The following CYRIA variants were observed in gnomAD, a reference collection of about 807,000 sequenced individuals.
CYRIA encodes the protein CYFIP related Rac1 interactor A, also known as CYFIP-related Rac1 interactor A.
Under a neutral mutation model 43.9 loss-of-function variants are expected in CYRIA, and 15 were observed. The observed-to-expected ratio is 0.34, with a 90% CI of 0.23 to 0.53. The LOEUF (loss-of-function observed/expected upper bound fraction) is 0.53. Among genes scored for constraint, CYRIA ranks in the 20% least tolerant of loss-of-function variants. The pLI is 0.94. For synonymous variants in CYRIA, 117 were observed against 136.0 expected, an observed-to-expected ratio of 0.86 and a Z score of 0.97; for missense variants, 236 against 394.2, an observed-to-expected ratio of 0.60 and a Z score of 3.40.
At chr2:16,590,927 C>T (rs1418855356) in intron 2 of CYRIA, among the ~76,000 whole-genome samples, 2 of 152,088 alleles carry the variant, frequency 1.3e-5, no homozygotes, top group African/African-American at 4.8e-5. Flanking sequence ...TTAGGGGGAT[C>T]TGCAAAGTGA....
chr2:16,600,961 A>C (rs1031018791), intron 2 of CYRIA, among the ~76,000 whole-genome samples: 4 of 152,222 alleles, frequency 2.6e-5, no homozygotes, highest in African/African-American at 9.6e-5. Context: ...TTTTCTGCAC[A>C]GTAGAAGTCC....
rs77273913 is a variant in CYRIA, at chr2:16,646,541, G to A, written c.-167+19239C>T. Among the ~76,000 whole-genome samples the A allele has an allele frequency of 3.3e-5, 5 of 152,290 alleles. No homozygotes were observed. The East Asian group carries it at 9.7e-4, about 29-fold the overall frequency. On this transcript the variant is annotated intron_variant, in intron 1 of 11. Transcript: ENST00000381323. The stretch of plus-strand genomic sequence containing the variant: ...CTCCCTGCAAGACCAGAGAAGCCAC[G>A]TGCAGTGTGGGAGCCTCCTTGTTGC...
chr2:16,645,246 G>A (rs1435525589), intron 1 of CYRIA, among the ~76,000 whole-genome samples: 2 of 152,190 alleles, frequency 1.3e-5, no homozygotes, highest in Non-Finnish European at 1.5e-5. Context: ...TTCTTGGCTT[G>A]CATATTTATT....
At chr2:16,604,752 G>C (rs1297370751) in intron 2 of CYRIA, among the ~76,000 whole-genome samples, 1 of 152,238 alleles carries the variant, frequency 6.6e-6, no homozygotes, top group Non-Finnish European at 1.5e-5. Flanking sequence ...AGCCAGGTTA[G>C]CCATTTTAGA....
intron 1 of CYRIA, among the ~76,000 whole-genome samples, chr2:16,625,223 C>A (rs1464910405): frequency 6.6e-6 from 1 of 152,128 alleles, no homozygotes; most frequent in African/African-American, 2.4e-5. Flanking sequence ...AGGCTCCCAG[C>A]TGGGGCTCCC....
chr2:16,652,419 T>C (rs1027282741), intron 1 of CYRIA, among the ~76,000 whole-genome samples: 1 of 152,222 alleles, frequency 6.6e-6, no homozygotes, highest in Admixed American at 6.5e-5. Flanking sequence ...CAAATGCTTT[T>C]CTTAGCCATC....
At chr2:16,577,363 T>C (rs1667389984) in intron 3 of CYRIA, among the ~76,000 whole-genome samples, 1 of 152,170 alleles carries the variant, frequency 6.6e-6, no homozygotes, top group Non-Finnish European at 1.5e-5. Flanking sequence ...GATATAAATA[T>C]GTAACACATT....
intron 1 of CYRIA, among the ~76,000 whole-genome samples, chr2:16,642,507 C>T (rs1669704041): frequency 1.3e-5 from 2 of 152,332 alleles, no homozygotes; most frequent in East Asian, 1.9e-4. Context: ...CAGGGTCCCC[C>T]AGTTCCACCC....
At chr2:16,600,653 C>T (rs992134828) in intron 2 of CYRIA, among the ~76,000 whole-genome samples, 8 of 152,072 alleles carry the variant, frequency 5.3e-5, no homozygotes, top group East Asian at 1.9e-4. Flanking sequence ...AGTATGTCCC[C>T]GCTACATATT....
intron 3 of CYRIA, among the ~76,000 whole-genome samples, chr2:16,569,002 G>A (rs1283275846): frequency 6.6e-6 from 1 of 152,182 alleles, no homozygotes; most frequent in Admixed American, 6.5e-5. Flanking sequence ...TAAAAATAGA[G>A]GCCTCTCTTA....
intron 1 of CYRIA, among the ~76,000 whole-genome samples, chr2:16,655,158 T>G (rs1353459731): frequency 1.3e-5 from 2 of 152,114 alleles, no homozygotes; most frequent in Non-Finnish European, 2.9e-5. Context: ...CCCCAAGTGA[T>G]GAAAGAGGAA....
intron 2 of CYRIA, among the ~76,000 whole-genome samples, chr2:16,593,254 T>C (rs1396358343): frequency 6.6e-6 from 1 of 152,154 alleles, no homozygotes; most frequent in Non-Finnish European, 1.5e-5. Context: ...AAGATTGGTG[T>C]CCTAAGATTC....
intron 1 of CYRIA, among the ~76,000 whole-genome samples, chr2:16,654,359 T>C (rs1005102782): frequency 2.0e-5 from 3 of 152,232 alleles, no homozygotes; most frequent in Non-Finnish European, 4.4e-5. Context: ...TACCATATAC[T>C]ATTTGCATGA....
At position 16,652,208 on chromosome 2, in the gene CYRIA, G is replaced by C. The variant is rs571711019; in HGVS notation, c.-167+13572C>G. ...TCCCTAACATCTTCCCACAGCTTCAGGATGTCCTCTAGCTTCCGTCTTCAG... is the reference window on the plus strand; with the variant it reads ...TCCCTAACATCTTCCCACAGCTTCACGATGTCCTCTAGCTTCCGTCTTCAG... On this transcript the variant is annotated intron_variant, in intron 1 of 11. Transcript: ENST00000381323. Among the ~76,000 whole-genome samples, 5 of 152,198 alleles carry C rather than the reference G, an allele frequency of 3.3e-5. No homozygotes were observed. In the East Asian group the frequency reaches 9.7e-4, roughly 30 times the overall value.
At chr2:16,570,246 G>A (rs1044442322) in intron 3 of CYRIA, among the ~76,000 whole-genome samples, 11 of 151,990 alleles carry the variant, frequency 7.2e-5, no homozygotes, top group Admixed American at 2.6e-4. Flanking sequence ...GCACTCAAAT[G>A]GCTTTTGTAT....
chr2:16,641,181 A>G (rs1171492846), intron 1 of CYRIA, among the ~76,000 whole-genome samples: 1 of 152,202 alleles, frequency 6.6e-6, no homozygotes, highest in Non-Finnish European at 1.5e-5. Context: ...CTATTATTGC[A>G]TCACTCTATG....
chr2:16,573,484 G>A (rs1173501224), intron 3 of CYRIA, among the ~76,000 whole-genome samples: 3 of 152,194 alleles, frequency 2.0e-5, no homozygotes, highest in African/African-American at 4.8e-5. Flanking sequence ...AAGACAGAGA[G>A]TAGAATGTTA....
intron 1 of CYRIA, among the ~76,000 whole-genome samples, chr2:16,661,781 C>T (rs1670262307): frequency 2.0e-5 from 3 of 152,172 alleles, no homozygotes; most frequent in Admixed American, 2.0e-4. Context: ...AAAGAGCAAG[C>T]AGAACCTAGC....
In CYRIA at chr2:16,549,783, T is replaced by C. The variant is rs1277699182; in HGVS notation, c.*3153A>G. The C allele has an allele frequency of 6.6e-6, 1 of 152,130 alleles. No homozygotes were observed. Among genetic ancestry groups the C allele is most frequent in the South Asian group, 2.1e-4 (1 of 4,834 alleles). 9.4% of individuals were successfully genotyped at this position (152,130 alleles called of 1,614,324 possible). ...AAGATTGGGAGGCTTAATTTTTCTT[T>C]GGGGAAAACATGAAATTATTTTTAC... is the stretch of plus-strand genomic sequence containing the variant. On this transcript the variant is annotated 3_prime_UTR_variant, in exon 12 of 12. Coordinates refer to ENST00000381323, the MANE Select transcript of CYRIA (RefSeq NM_030797.4).
Sources: allele counts gnomAD v4.1 joint callset (sites outside exome capture counted in the v4.1 genomes callset), GRCh38; gene constraint gnomAD v4.1.1; transcripts MANE v1.5; gene names NCBI Gene and HGNC (gene_info 2026-07-23, HGNC 2026-07-21).